UGP2: variants seen among roughly 807,000 people sequenced by gnomAD.
UGP2 encodes UDP-glucose pyrophosphorylase 2.
In UGP2, 40 loss-of-function variants were observed where a neutral mutation model predicts 49.0. That is an observed-to-expected ratio of 0.82 (90% CI 0.63 to 1.06). The LOEUF (loss-of-function observed/expected upper bound fraction) is 1.06. Among genes scored for constraint, UGP2 ranks in the 50% least tolerant of loss-of-function variants. The pLI is 0.00. For synonymous variants in UGP2, 225 were observed against 213.0 expected (o/e 1.06, Z -0.49); for missense variants, 460 against 603.5 (o/e 0.76, Z 2.49).
intron 8 of UGP2, 164 bp from the exon 9 acceptor site, chr2:63,889,917 A>G: frequency 8.6e-6 from 5 of 582,740 alleles, no homozygotes; most frequent in Non-Finnish European, 1.2e-5. Context: ...CCTGCACGGC[A>G]TTTAGCATAT....
chr2:63,856,898 T>C (rs1475049059), intron 2 of UGP2: 1 of 439,724 alleles, frequency 2.3e-6, no homozygotes, highest in Non-Finnish European at 4.5e-6. Context: ...TATTTTCATT[T>C]TTATATTTCA....
chr2:63,884,257 T>G (rs1671511354), intron 5 of UGP2, 164 bp downstream of exon 5: 1 of 826,104 alleles, frequency 1.2e-6, no homozygotes, highest in South Asian at 1.8e-5. Flanking sequence ...GTGATTGTTA[T>G]AATCACTCTG....
In UGP2 at chr2:63,842,319, G is replaced by A. The variant is rs898581388; in HGVS notation, c.19+115G>A. 4 of 1,607,144 alleles carry A rather than the reference G, an allele frequency of 2.5e-6. No individual in the cohort carries two copies. The African/African-American group carries it at 4.0e-5, about 16-fold the overall frequency. ...AATGTTCATTTGAGATAACATTTGC[G>A]AAACCCTTTTCGTTGAATTGTCATC... On this transcript the variant is annotated intron_variant, in intron 1 of 9. Coordinates refer to ENST00000337130, the MANE Select transcript of UGP2 (RefSeq NM_006759.4).
At chr2:63,881,266 G>A (rs1671288236) in intron 3 of UGP2, among the ~76,000 whole-genome samples, 1 of 151,944 alleles carries the variant, frequency 6.6e-6, no homozygotes, top group African/African-American at 2.4e-5. Context: ...ATCTGACCAA[G>A]CATAAAGAGA....
At chr2:63,856,532 C>T (rs1033743350) in intron 2 of UGP2, 99 bp downstream of exon 2, 28 of 1,357,500 alleles carry the variant, frequency 2.1e-5, no homozygotes, top group Non-Finnish European at 2.6e-5. Flanking sequence ...CACCTCAAAT[C>T]AGCACAAGAT....
At chr2:63,842,861 T>G (rs1671665506) in intron 1 of UGP2, among the ~76,000 whole-genome samples, 1 of 152,246 alleles carries the variant, frequency 6.6e-6, no homozygotes, top group Non-Finnish European at 1.5e-5. Context: ...TAAAAAGGGT[T>G]AGGGAATGCC....
At chr2:63,884,172 T>C in intron 5 of UGP2, 79 bp downstream of exon 5, 1 of 1,535,992 alleles carries the variant, frequency 6.5e-7, no homozygotes, top group Non-Finnish European at 8.8e-7. Context: ...ACAGAGCAGT[T>C]TCAAGATGTA....
intron 3 of UGP2, among the ~76,000 whole-genome samples, chr2:63,866,163 G>A (rs1228086809): frequency 6.6e-6 from 1 of 151,990 alleles, no homozygotes; most frequent in Non-Finnish European, 1.5e-5. Flanking sequence ...CTAAGCTCTT[G>A]GTCCACTTGG....
At chr2:63,874,953 A>G (rs1360400466) in intron 3 of UGP2, among the ~76,000 whole-genome samples, 2 of 152,188 alleles carry the variant, frequency 1.3e-5, no homozygotes, top group Non-Finnish European at 2.9e-5. Flanking sequence ...TGTGCACCAA[A>G]TAAACCTCTT....
chr2:63,886,347 ACACT>A lies in UGP2; in HGVS notation c.887_890del (p.Thr296AsnfsTer6). 6.2e-7 allele frequency: 1 copy of A among 1,614,076 alleles called. No homozygotes were observed. Among genetic ancestry groups the A allele is most frequent in the Non-Finnish European group, 8.5e-7 (1 of 1,179,912 alleles). ...CTATTTTCTGCCTTTCTAGGGCGGG[ACACT>A]CACTCAATATGAAGGCAAACTGAGA... On this transcript the variant is annotated frameshift_variant, in exon 7 of 10. Coordinates refer to ENST00000337130, the MANE Select transcript of UGP2 (RefSeq NM_006759.4). LOFTEE classifies it high-confidence loss of function.
intron 1 of UGP2, among the ~76,000 whole-genome samples, chr2:63,844,788 C>T (rs1671818373): frequency 1.3e-5 from 2 of 152,148 alleles, no homozygotes; most frequent in Non-Finnish European, 2.9e-5. Context: ...TCTCAAACTC[C>T]TGGTCTTAAG....
At chr2:63,853,330 A>G (rs1345506602) in intron 1 of UGP2, among the ~76,000 whole-genome samples, 2 of 152,132 alleles carry the variant, frequency 1.3e-5, no homozygotes, top group Admixed American at 1.3e-4. Flanking sequence ...TGAAATAATC[A>G]AGATAGCTTT....
At chr2:63,858,966 C>T (rs1669643599) in intron 3 of UGP2, among the ~76,000 whole-genome samples, 1 of 136,592 alleles carries the variant, frequency 7.3e-6, no homozygotes, top group Non-Finnish European at 1.5e-5. Flanking sequence ...TTATGATGGA[C>T]CTGGGTGTAG....
chr2:63,870,032 C>A (rs1387806095), intron 3 of UGP2, among the ~76,000 whole-genome samples: 1 of 151,222 alleles, frequency 6.6e-6, no homozygotes, highest in African/African-American at 2.4e-5. Flanking sequence ...ACACCATTCT[C>A]CTGCCTCAGC....
intron 1 of UGP2, among the ~76,000 whole-genome samples, chr2:63,849,441 T>C (rs1668898060): frequency 6.6e-6 from 1 of 152,248 alleles, no homozygotes; most frequent in Admixed American, 6.5e-5. Flanking sequence ...CATAGTTATA[T>C]CCACTGTTTT....
At chr2:63,890,016 A>G in intron 8 of UGP2, 65 bp from the exon 9 acceptor site, 2 of 1,263,084 alleles carry the variant, frequency 1.6e-6, no homozygotes, top group South Asian at 2.6e-5. Flanking sequence ...TTTCTTGTTA[A>G]TATTTTTCCT....
At chr2:63,854,814 C>G (rs1480567566) in intron 1 of UGP2, 1 of 152,128 alleles carries the variant, frequency 6.6e-6, no homozygotes, top group Non-Finnish European at 1.5e-5. Flanking sequence ...GGTGCTGTAT[C>G]AAACAAAAGA....
chr2:63,881,604 G>A (rs1671319139), intron 3 of UGP2, among the ~76,000 whole-genome samples: 1 of 152,198 alleles, frequency 6.6e-6, no homozygotes, highest in Non-Finnish European at 1.5e-5. Flanking sequence ...ACTGTAAGAT[G>A]TTTAGACTTG....
At position 63,891,281 on chromosome 2, in the gene UGP2, G is replaced by A; in HGVS notation, c.*54G>A. 1 of 1,469,754 alleles carries A rather than the reference G, an allele frequency of 6.8e-7. No individual in the cohort carries two copies. The highest frequency in any genetic ancestry group is 9.5e-7 in the Non-Finnish European group (1 of 1,054,618). The allele number at this position is 1,469,754 out of a possible 1,614,324, so 91.0% of individuals were successfully genotyped here. On this transcript the variant is annotated 3_prime_UTR_variant, in exon 10 of 10. Transcript: ENST00000337130. ...ATGGGCTAGTTTCTTACAATGAAAT[G>A]TTCTCTAGGATTCTAAAATAGGCAG...
Sources: allele counts gnomAD v4.1 joint callset (sites outside exome capture counted in the v4.1 genomes callset), GRCh38; gene constraint gnomAD v4.1.1; transcripts MANE v1.5; gene names NCBI Gene and HGNC (gene_info 2026-07-23, HGNC 2026-07-21).